Variants in AGBL4 observed in about 807,000 individuals in gnomAD.
AGBL4 encodes the protein AGBL carboxypeptidase 4.
Under a neutral mutation model 66.4 loss-of-function variants are expected in AGBL4, and 58 were observed. That is an observed-to-expected ratio of 0.87 (90% CI 0.71 to 1.09). AGBL4 has a LOEUF of 1.09. Among genes scored for constraint, AGBL4 ranks in the 50% least tolerant of loss-of-function variants. The pLI is 0.00. For synonymous variants in AGBL4, 234 were observed against 222.9 expected (o/e 1.05, Z -0.44); for missense variants, 579 against 631.0 (o/e 0.92, Z 0.88).
At chr1:49,939,063 C>G (rs1271597284) in intron 1 of AGBL4, among the ~76,000 whole-genome samples, 2 of 152,016 alleles carry the variant, frequency 1.3e-5, no homozygotes, top group Non-Finnish European at 2.9e-5. Context: ...CAATAACCGA[C>G]AAACAGAGAG....
At chr1:49,873,500 T>C (rs950870518) in intron 1 of AGBL4, among the ~76,000 whole-genome samples, 12 of 152,250 alleles carry the variant, frequency 7.9e-5, no homozygotes, top group Admixed American at 7.9e-4. Context: ...CTGCCTTACC[T>C]TTTGTTCCTA....
intron 1 of AGBL4, among the ~76,000 whole-genome samples, chr1:49,862,691 G>A (rs369912178): frequency 4.6e-5 from 7 of 152,228 alleles, no homozygotes; most frequent in East Asian, 3.9e-4. Flanking sequence ...TACACCTGGC[G>A]GCAGACTTTT....
chr1:48,812,415 C>T (rs1176929090), intron 6 of AGBL4, among the ~76,000 whole-genome samples: 1 of 152,090 alleles, frequency 6.6e-6, no homozygotes, highest in African/African-American at 2.4e-5. Flanking sequence ...CTATTTCCCC[C>T]ACCTGCTCCT....
intron 5 of AGBL4, among the ~76,000 whole-genome samples, chr1:48,958,873 T>G (rs1288835370): frequency 6.6e-6 from 1 of 152,240 alleles, no homozygotes; most frequent in Non-Finnish European, 1.5e-5. Context: ...AGAGGACCCA[T>G]GTTTTTATTT....
At chr1:49,587,580 T>G (rs1486507174) in intron 3 of AGBL4, among the ~76,000 whole-genome samples, 1 of 152,210 alleles carries the variant, frequency 6.6e-6, no homozygotes, top group Admixed American at 6.5e-5. Context: ...GCTGGAACCC[T>G]GTATGCAAAA....
At chr1:49,215,848 C>T (rs1320107015) in intron 4 of AGBL4, among the ~76,000 whole-genome samples, 2 of 152,058 alleles carry the variant, frequency 1.3e-5, no homozygotes. Flanking sequence ...TTTTCCTCCT[C>T]CCATTCCAGA....
intron 3 of AGBL4, among the ~76,000 whole-genome samples, chr1:49,638,488 T>C (rs556144467): frequency 6.6e-6 from 1 of 152,318 alleles, no homozygotes; most frequent in African/African-American, 2.4e-5. Flanking sequence ...GAAGTACGGA[T>C]ATAGTTTCGC....
intron 5 of AGBL4, among the ~76,000 whole-genome samples, chr1:48,996,641 G>T (rs1236887041): frequency 6.6e-6 from 1 of 152,108 alleles, no homozygotes; most frequent in Non-Finnish European, 1.5e-5. Flanking sequence ...TCTTGATAAA[G>T]GGTGTTTCAG....
chr1:49,507,985 A>G (rs1648851867), intron 3 of AGBL4, among the ~76,000 whole-genome samples: 1 of 151,948 alleles, frequency 6.6e-6, no homozygotes, highest in Non-Finnish European at 1.5e-5. Context: ...ATAATTGTTC[A>G]ATCAACAAAT....
At chr1:49,085,262 TTCATCATCATCATCA>T (rs55673573) in intron 4 of AGBL4, among the ~76,000 whole-genome samples, 20 of 145,436 alleles carry the variant, frequency 1.4e-4, no homozygotes, top group South Asian at 2.3e-4. Flanking sequence ...GACTGGGACT[TTCATCATCATCATCA>T]TCATCATCAT....
At chr1:49,429,694 C>T (rs1246329790) in intron 3 of AGBL4, among the ~76,000 whole-genome samples, 1 of 152,024 alleles carries the variant, frequency 6.6e-6, no homozygotes, top group Non-Finnish European at 1.5e-5. Context: ...GCTTTAAATC[C>T]TCACTAGCTG....
intron 2 of AGBL4, among the ~76,000 whole-genome samples, chr1:49,767,938 G>A (rs1367455471): frequency 2.0e-4 from 30 of 148,742 alleles, no homozygotes; most frequent in African/African-American, 9.9e-5. Context: ...TATCAAGTTC[G>A]AAAATTGAAT....
At chr1:48,772,294 G>A (rs1644874740) in intron 6 of AGBL4, among the ~76,000 whole-genome samples, 1 of 152,214 alleles carries the variant, frequency 6.6e-6, no homozygotes, top group African/African-American at 2.4e-5. Flanking sequence ...GCAGAGGGAG[G>A]AATAGGGACT....
At chr1:48,805,477 C>T (rs17104898) in intron 6 of AGBL4, among the ~76,000 whole-genome samples, 4,235 of 152,126 alleles carry the variant, frequency 0.028, 170 homozygotes, top group African/African-American at 0.096. Flanking sequence ...GGGATTTCCT[C>T]AACTATGGAA....
chr1:49,909,521 C>A (rs760426654), intron 1 of AGBL4, among the ~76,000 whole-genome samples: 6 of 152,026 alleles, frequency 3.9e-5, no homozygotes, highest in Non-Finnish European at 8.8e-5. Context: ...TCAGCACAGT[C>A]AGTAAAGACA....
intron 1 of AGBL4, among the ~76,000 whole-genome samples, chr1:49,931,047 A>T (rs1229188145): frequency 1.3e-5 from 2 of 152,174 alleles, no homozygotes; most frequent in Non-Finnish European, 2.9e-5. Context: ...ATAATTAATG[A>T]GTATAACAAG....
At position 49,343,616 on chromosome 1, in the gene AGBL4, T is replaced by C. The variant is rs79496121; in HGVS notation, c.283-97752A>G. On this transcript the variant is annotated intron_variant, in intron 3 of 13. Coordinates refer to ENST00000371839, the MANE Select transcript of AGBL4 (RefSeq NM_032785.4). ...GGGAATGTCATTGTAGTAAAACGCA[T>C]GATAAAAGCATTGCACTTTCTGGTC... Among the ~76,000 whole-genome samples, 1,086 of 152,280 alleles carry C rather than the reference T, an allele frequency of 7.1e-3. 7 individuals are homozygous for C. Among genetic ancestry groups the C allele is most frequent in the African/African-American group, 0.024 (1,014 of 41,562 alleles).
chr1:49,047,206 A>C (rs1488335752), intron 4 of AGBL4, among the ~76,000 whole-genome samples: 1 of 152,116 alleles, frequency 6.6e-6, no homozygotes, highest in Non-Finnish European at 1.5e-5. Flanking sequence ...GATTATATTA[A>C]ATTTAATTAA....
At chr1:48,940,689 A>C (rs545615678) in intron 5 of AGBL4, among the ~76,000 whole-genome samples, 2 of 152,274 alleles carry the variant, frequency 1.3e-5, no homozygotes, top group African/African-American at 4.8e-5. Flanking sequence ...TGAAGCTGGG[A>C]AACTTCCTCC....
Sources: gnomAD v4.1 joint callset for allele counts (sites outside exome capture counted in the v4.1 genomes callset) on GRCh38, gnomAD v4.1.1 for gene constraint, MANE v1.5 for transcripts, NCBI Gene and HGNC (gene_info 2026-07-23, HGNC 2026-07-21) for gene names.